Variants in WBP1L observed in about 807,000 individuals in gnomAD.
WBP1L encodes the protein WW domain binding protein 1-like.
In WBP1L, 17 loss-of-function variants were observed where a neutral mutation model predicts 33.7. The observed-to-expected ratio is 0.50, with a 90% CI of 0.34 to 0.76. The LOEUF is 0.76. Among genes scored for constraint, WBP1L ranks in the 30% least tolerant of loss-of-function variants. The pLI is 0.01. For missense variants in WBP1L, 389 were observed against 469.4 expected, an observed-to-expected ratio of 0.83 and a Z score of 1.58; for synonymous variants, 173 against 190.8, an observed-to-expected ratio of 0.91 and a Z score of 0.77.
chr10:102,803,010 G>A (rs573521289), intron 2 of WBP1L, among the ~76,000 whole-genome samples: 32 of 152,238 alleles, frequency 2.1e-4, no homozygotes, highest in African/African-American at 7.7e-4. Context: ...TATTCTCCCC[G>A]TTTTACAGAT....
intron 2 of WBP1L, among the ~76,000 whole-genome samples, chr10:102,799,753 T>C (rs1416229359): frequency 1.3e-5 from 2 of 151,208 alleles, no homozygotes; most frequent in East Asian, 3.9e-4. Context: ...CCCTTTCTCA[T>C]CCCCCCCATC....
At chr10:102,799,881 G>T (rs557236446) in intron 2 of WBP1L, among the ~76,000 whole-genome samples, 1 of 152,264 alleles carries the variant, frequency 6.6e-6, no homozygotes, top group South Asian at 2.1e-4. Flanking sequence ...TGTATTTGTA[G>T]CCAACAGGAG....
intron 1 of WBP1L, among the ~76,000 whole-genome samples, chr10:102,789,337 T>C (rs948121559): frequency 3.9e-5 from 6 of 152,214 alleles, no homozygotes; most frequent in African/African-American, 1.4e-4. Flanking sequence ...CCTTTCACAC[T>C]GCTTTCCCTG....
At chr10:102,758,070 A>G (rs1317615768) in intron 1 of WBP1L, among the ~76,000 whole-genome samples, 5 of 150,714 alleles carry the variant, frequency 3.3e-5, no homozygotes, top group Non-Finnish European at 4.4e-5. Flanking sequence ...TTTTTAGTAG[A>G]GACGGGGTTT....
intron 1 of WBP1L, among the ~76,000 whole-genome samples, chr10:102,770,732 C>T (rs1843176884): frequency 6.6e-6 from 1 of 152,030 alleles, no homozygotes; most frequent in African/African-American, 2.4e-5. Flanking sequence ...CACTCCAGAA[C>T]ACCACCATCA....
chr10:102,749,690 T>C (rs1483175830), intron 1 of WBP1L, among the ~76,000 whole-genome samples: 1 of 151,186 alleles, frequency 6.6e-6, no homozygotes, highest in Non-Finnish European at 1.5e-5. Flanking sequence ...TTGAACTCCT[T>C]GGCTCAAGTG....
intron 1 of WBP1L, among the ~76,000 whole-genome samples, chr10:102,788,391 T>C (rs1316034803): frequency 3.9e-5 from 6 of 152,046 alleles, no homozygotes; most frequent in Admixed American, 6.5e-5. Context: ...ATTACAGGCA[T>C]GAGCCACCAC....
intron 2 of WBP1L, among the ~76,000 whole-genome samples, chr10:102,800,958 A>G (rs1843647947): frequency 6.6e-6 from 1 of 152,188 alleles, no homozygotes. Context: ...CCTACAGGAA[A>G]GGCCTCCGGG....
intron 1 of WBP1L, chr10:102,776,525 T>TAGACCAGGC: frequency 6.9e-7 from 1 of 1,442,712 alleles, no homozygotes. Flanking sequence ...GCCTCTCAGT[T>TAGACCAGGC]AGACCAGGCC....
intron 3 of WBP1L, among the ~76,000 whole-genome samples, chr10:102,811,210 G>A (rs1316568219): frequency 6.6e-6 from 1 of 152,068 alleles, no homozygotes; most frequent in East Asian, 1.9e-4. Context: ...TCAGGAGTCA[G>A]TTATAACGTG....
At chr10:102,798,992 G>A (rs1391020001) in intron 2 of WBP1L, among the ~76,000 whole-genome samples, 1 of 152,158 alleles carries the variant, frequency 6.6e-6, no homozygotes, top group African/African-American at 2.4e-5. Flanking sequence ...GAAGTTCCTG[G>A]AGGATTCTCC....
rs757164563 is a variant in WBP1L, at chr10:102,812,588, A to G, written c.356-7A>G. On this transcript the variant is annotated splice_region_variant and splice_polypyrimidine_tract_variant and intron_variant, in intron 3 of 3. Coordinates refer to ENST00000448841, the MANE Select transcript of WBP1L (RefSeq NM_001083913.2). ...AGTAATTTCTCCTTCCTACCTCCCC[A>G]TTTTAGGGTTTTTGCCAAACTATTT... 2 of 1,563,712 alleles carry G rather than the reference A, an allele frequency of 1.3e-6. No homozygotes were observed. Among genetic ancestry groups the G allele is most frequent in the Admixed American group, 1.8e-5 (1 of 54,140 alleles).
At chr10:102,778,756 G>C (rs982309083) in intron 1 of WBP1L, among the ~76,000 whole-genome samples, 1 of 152,134 alleles carries the variant, frequency 6.6e-6, no homozygotes, top group African/African-American at 2.4e-5. Flanking sequence ...AGATCACTTG[G>C]TGATAATTCT....
In WBP1L at chr10:102,814,366, T is replaced by C. The variant is rs1274743196; in HGVS notation, c.*1035T>C. The C allele has an allele frequency of 6.6e-6, 1 of 152,610 alleles. No individual in the cohort carries two copies. Among genetic ancestry groups the C allele is most frequent in the Non-Finnish European group, 1.5e-5 (1 of 68,048 alleles). The allele number at this position is 152,610 out of a possible 1,614,324, so 9.5% of individuals were successfully genotyped here. A position where few individuals can be genotyped will look rare whatever the true frequency, so the allele number is the denominator to read the frequency against. Reference sequence around the variant, plus strand: ...AGCACACACCCTGCGGGCCTTCAAGTCTCACTGTTCCGTATGAGGAAACAG... The same window carrying C: ...AGCACACACCCTGCGGGCCTTCAAGCCTCACTGTTCCGTATGAGGAAACAG... On this transcript the variant is annotated 3_prime_UTR_variant, in exon 4 of 4. Coordinates refer to ENST00000448841, the MANE Select transcript of WBP1L (RefSeq NM_001083913.2).
At chr10:102,770,988 A>C (rs969668949) in intron 1 of WBP1L, among the ~76,000 whole-genome samples, 1 of 152,212 alleles carries the variant, frequency 6.6e-6, no homozygotes, top group Non-Finnish European at 1.5e-5. Context: ...GGCAAGTTAC[A>C]TAAACCCCAT....
At position 102,809,877 on chromosome 10, in the gene WBP1L, C is replaced by T. The variant is rs765718746; in HGVS notation, c.194-16C>T. ...CTCACTGTGTGCCTCTCTGTCTTGC[C>T]TTGCCCACCCCCCAGGGTTCTGGCT... On this transcript the variant is annotated splice_polypyrimidine_tract_variant and intron_variant, in intron 2 of 3. Coordinates refer to ENST00000448841, the MANE Select transcript of WBP1L (RefSeq NM_001083913.2). 1.2e-6 allele frequency: 2 copies of T among 1,603,524 alleles called. No homozygotes were observed. Among genetic ancestry groups the T allele is most frequent in the South Asian group, 2.2e-5 (2 of 89,658 alleles).
rs541296298 is a variant in WBP1L at position 102,776,198 on chromosome 10, G to A, written c.91-21795G>A. On this transcript the variant is annotated intron_variant, in intron 1 of 3. Coordinates refer to ENST00000448841, the MANE Select transcript of WBP1L (RefSeq NM_001083913.2). ...GGGGTGGGCCAGAGCCAGGCAGGGG[G>A]AGTAGCGAGGAGAGCAGGAGACAGT... 44 of 1,471,488 alleles carry A rather than the reference G, an allele frequency of 3.0e-5. No individual in the cohort carries two copies. The South Asian group carries it at 5.3e-4, about 18-fold the overall frequency. 91.2% of individuals were successfully genotyped at this position (1,471,488 alleles called of 1,614,324 possible). A position where few individuals can be genotyped will look rare whatever the true frequency, so the allele number is the denominator to read the frequency against.
At chr10:102,776,037 CG>C in intron 1 of WBP1L, 2 of 950,702 alleles carry the variant, frequency 2.1e-6, no homozygotes, top group Non-Finnish European at 2.5e-6. Context: ...CTGGGCATCG[CG>C]GGTCTGCAGC....
intron 1 of WBP1L, among the ~76,000 whole-genome samples, chr10:102,760,338 T>C (rs1843021085): frequency 1.3e-5 from 2 of 151,520 alleles, no homozygotes; most frequent in African/African-American, 4.8e-5. Flanking sequence ...ACTTAACCTC[T>C]CTGAGCCTTC....
Sources: gnomAD v4.1 joint callset for allele counts (sites outside exome capture counted in the v4.1 genomes callset) on GRCh38, gnomAD v4.1.1 for gene constraint, MANE v1.5 for transcripts, NCBI Gene and HGNC (gene_info 2026-07-23, HGNC 2026-07-21) for gene names.